The following TMEM150C variants were observed in gnomAD, a reference collection of about 807,000 sequenced individuals.
TMEM150C encodes the protein transmembrane protein 150C.
A neutral mutation model predicts 29.9 loss-of-function variants in TMEM150C; 10 were observed. The observed-to-expected ratio is 0.33, with a 90% confidence interval of 0.21 to 0.57. The LOEUF (loss-of-function observed/expected upper bound fraction) is 0.57, where lower values mean the gene tolerates loss of function less well. TMEM150C is among the 20% of genes least tolerant of loss of function. TMEM150C has a pLI of 0.88. For synonymous variants in TMEM150C, 101 were observed against 112.5 expected (o/e 0.90, Z 0.64); for missense variants, 251 against 303.6 (o/e 0.83, Z 1.29).
chr4:82,511,758 C>A (rs1463657190), intron 1 of TMEM150C, among the ~76,000 whole-genome samples: 2 of 152,084 alleles, frequency 1.3e-5, no homozygotes, highest in African/African-American at 4.8e-5. Flanking sequence ...TGAGCCACTG[C>A]GCCTGGCCTG....
At chr4:82,526,488 C>T (rs10014422) in intron 1 of TMEM150C, among the ~76,000 whole-genome samples, 31,457 of 152,094 alleles carry the variant, frequency 0.21, 5,939 homozygotes, top group African/African-American at 0.5. Context: ...GCAGTTAATA[C>T]GCCCTGTGCC....
intron 5 of TMEM150C, among the ~76,000 whole-genome samples, chr4:82,498,369 G>A (rs577802886): frequency 8.1e-5 from 12 of 148,184 alleles, no homozygotes; most frequent in African/African-American, 2.0e-4. Flanking sequence ...GGCTCACTGC[G>A]ACCTCCGCCT....
intron 1 of TMEM150C, among the ~76,000 whole-genome samples, chr4:82,546,446 T>G (rs1353345514): frequency 1.3e-5 from 2 of 152,196 alleles, no homozygotes; most frequent in African/African-American, 4.8e-5. Context: ...CCACCTGATC[T>G]TTGACAAAAT....
chr4:82,500,382 G>A (rs1204202792), intron 5 of TMEM150C, among the ~76,000 whole-genome samples: 2 of 152,132 alleles, frequency 1.3e-5, no homozygotes, highest in African/African-American at 2.4e-5. Flanking sequence ...GTTTAGAGGA[G>A]GAATCATTAG....
At chr4:82,547,820 A>G (rs1278599074) in intron 1 of TMEM150C, among the ~76,000 whole-genome samples, 1 of 152,210 alleles carries the variant, frequency 6.6e-6, no homozygotes, top group Non-Finnish European at 1.5e-5. Context: ...TTGAAACAGA[A>G]CTACCATTCA....
intron 1 of TMEM150C, among the ~76,000 whole-genome samples, chr4:82,521,985 C>A (rs919229469): frequency 6.6e-6 from 1 of 152,134 alleles, no homozygotes; most frequent in African/African-American, 2.4e-5. Context: ...ATCGCTTGAA[C>A]CTGGGAGGTC....
At position 82,485,140 on chromosome 4, in the gene TMEM150C, C is replaced by T. The variant is rs1287240099; in HGVS notation, c.*371G>A. Reference sequence around the variant, plus strand: ...CCAAGCCCTTTGGACCTGAAGGCAACGTCGGGAGTTGGCATTACTCCCAAG... The same window carrying T: ...CCAAGCCCTTTGGACCTGAAGGCAATGTCGGGAGTTGGCATTACTCCCAAG... On this transcript the variant is annotated 3_prime_UTR_variant, in exon 8 of 8. Coordinates refer to ENST00000449862, the MANE Select transcript of TMEM150C (RefSeq NM_001080506.3). 15 of 200,952 alleles carry T rather than the reference C, an allele frequency of 7.5e-5. No homozygotes were observed. Among genetic ancestry groups the T allele is most frequent in the Non-Finnish European group, 1.1e-4 (11 of 98,398 alleles). 12.4% of individuals were successfully genotyped at this position (200,952 alleles called of 1,614,324 possible).
intron 1 of TMEM150C, among the ~76,000 whole-genome samples, chr4:82,560,547 G>C (rs916957784): frequency 1.3e-5 from 2 of 152,154 alleles, no homozygotes; most frequent in South Asian, 2.1e-4. Flanking sequence ...TGGAAACATG[G>C]AGTCTCTAGA....
At chr4:82,496,015 A>T in intron 6 of TMEM150C, 53 bp downstream of exon 6, 1 of 1,610,262 alleles carries the variant, frequency 6.2e-7, no homozygotes, top group Non-Finnish European at 8.5e-7. Context: ...ATAGTCTCAG[A>T]AGTGAAGGTC....
intron 2 of TMEM150C, 119 bp from the exon 3 acceptor site, chr4:82,503,231 C>G: frequency 1.4e-6 from 1 of 723,640 alleles, no homozygotes; most frequent in East Asian, 2.7e-5. Context: ...GAGAAATGCT[C>G]TTTTACAATT....
chr4:82,518,386 C>A (rs1267471645), intron 1 of TMEM150C, among the ~76,000 whole-genome samples: 1 of 152,102 alleles, frequency 6.6e-6, no homozygotes, highest in Non-Finnish European at 1.5e-5. Context: ...GCCAGTGTGC[C>A]CCTCAGCGGC....
At chr4:82,538,198 C>T (rs1419829691) in intron 1 of TMEM150C, among the ~76,000 whole-genome samples, 1 of 152,148 alleles carries the variant, frequency 6.6e-6, no homozygotes, top group Non-Finnish European at 1.5e-5. Context: ...GCTGGCACTA[C>T]AGGTACCCAC....
intron 1 of TMEM150C, among the ~76,000 whole-genome samples, chr4:82,540,116 T>TG (rs1160636653): frequency 2.2e-5 from 1 of 45,354 alleles, no homozygotes; most frequent in Non-Finnish European, 3.6e-5. Flanking sequence ...TACCTATTCT[T>TG]TTTTTTTTTT....
At chr4:82,516,658 T>C (rs566948258) in intron 1 of TMEM150C, among the ~76,000 whole-genome samples, 1 of 152,330 alleles carries the variant, frequency 6.6e-6, no homozygotes, top group South Asian at 2.1e-4. Context: ...CCATCCCATT[T>C]GTGGTCCAGA....
At chr4:82,544,184 ATTTGTT>A in intron 1 of TMEM150C, among the ~76,000 whole-genome samples, 1 of 152,210 alleles carries the variant, frequency 6.6e-6, no homozygotes, top group Admixed American at 6.5e-5. Flanking sequence ...AGATCTTTTG[ATTTGTT>A]TTTATTTCCC....
At chr4:82,504,999 C>T (rs1190032482) in intron 1 of TMEM150C, among the ~76,000 whole-genome samples, 2 of 152,072 alleles carry the variant, frequency 1.3e-5, no homozygotes, top group Admixed American at 1.3e-4. Context: ...CACTGTACTC[C>T]AGCCTGGGCG....
chr4:82,486,568 C>T (rs928464237), intron 7 of TMEM150C, among the ~76,000 whole-genome samples: 2 of 151,844 alleles, frequency 1.3e-5, no homozygotes, highest in Non-Finnish European at 2.9e-5. Flanking sequence ...TTTCATTCCT[C>T]GTATCACGTC....
chr4:82,524,928 C>T lies in TMEM150C; in HGVS notation c.-10-20261G>A, dbSNP rs544875352. On this transcript the variant is annotated intron_variant, in intron 1 of 7. Coordinates refer to ENST00000449862, the MANE Select transcript of TMEM150C (RefSeq NM_001080506.3). The stretch of plus-strand genomic sequence containing the variant: ...GACCGCTCAAACAAAGGCACAGAAA[C>T]ACGGTGTGATTACAAACTAAATGAG... 7.2e-4 allele frequency among the ~76,000 whole-genome samples: 109 copies of T among 152,312 alleles called. 1 individual carries two copies. In the South Asian group the frequency reaches 0.021, roughly 29 times the overall value.
intron 1 of TMEM150C, among the ~76,000 whole-genome samples, chr4:82,518,485 G>A (rs1457388581): frequency 6.6e-6 from 1 of 152,152 alleles, no homozygotes; most frequent in African/African-American, 2.4e-5. Flanking sequence ...TCTCCTGGCT[G>A]TCCCTTTACA....
Sources: allele counts gnomAD v4.1 joint callset (sites outside exome capture counted in the v4.1 genomes callset), GRCh38; gene constraint gnomAD v4.1.1; transcripts MANE v1.5; gene names NCBI Gene and HGNC (gene_info 2026-07-23, HGNC 2026-07-21).